Variants in DRC1 observed in about 807,000 individuals in gnomAD.
The protein encoded by DRC1 is dynein regulatory complex protein 1.
DRC1 carries 74 observed loss-of-function variants against 98.7 expected under a neutral mutation model. The ratio of observed to expected loss-of-function variants is 0.75; its 90% CI spans 0.62 to 0.91. DRC1 has a LOEUF of 0.91. Ranked by LOEUF, DRC1 falls within the 40% of genes least tolerant of loss-of-function variation. The pLI, the probability that DRC1 is intolerant of heterozygous loss-of-function variation, is 0.00. For synonymous variants in DRC1, 336 were observed against 334.1 expected, an observed-to-expected ratio of 1.01 and a Z score of -0.06; for missense variants, 875 against 886.0, an observed-to-expected ratio of 0.99 and a Z score of 0.16.
rs1402962 is a variant in DRC1 at position 26,453,454 on chromosome 2, G to A, written c.1824G>A (p.Glu608=). ...AAAGCCTGGTGGAAGGGGAGAAGGA[G>A]GAAGAGGAGGAGACCCCACCCTCCC... ...KEESLVEGEK[E]EEEETPPSPW... Residue 608 remains glutamate (E), a synonymous_variant, in exon 14 of 17, where the codon GAG becomes GAA. Coordinates refer to ENST00000288710, the MANE Select transcript of DRC1 (RefSeq NM_145038.5). 1,623 of 1,614,146 alleles carry A rather than the reference G, an allele frequency of 1.0e-3. 9 individuals carry two copies. The African/African-American group carries it at 0.018, about 18-fold the overall frequency.
chr2:26,441,211 T>A (rs1663709500), intron 8 of DRC1, among the ~76,000 whole-genome samples: 1 of 152,136 alleles, frequency 6.6e-6, no homozygotes, highest in Non-Finnish European at 1.5e-5. Flanking sequence ...AGGACCAGAG[T>A]GAAATAAGAC....
chr2:26,453,619 C>T, intron 14 of DRC1, 70 bp downstream of exon 14: 1 of 1,470,962 alleles, frequency 6.8e-7, no homozygotes. Context: ...GGGAGCCAGG[C>T]AGAGCCAGTG....
chr2:26,437,766 A>G (rs981297904), intron 7 of DRC1, among the ~76,000 whole-genome samples: 1 of 152,252 alleles, frequency 6.6e-6, no homozygotes, highest in East Asian at 1.9e-4. Context: ...TTATTATGAC[A>G]TGGTAAACAT....
At chr2:26,412,704 TTAAG>T (rs1438427166) in intron 1 of DRC1, among the ~76,000 whole-genome samples, 25 of 152,240 alleles carry the variant, frequency 1.6e-4, no homozygotes, top group African/African-American at 5.5e-4. Context: ...TTCCTGTTCT[TTAAG>T]TAATTGCTGT....
chr2:26,440,594 T>C (rs560590022), intron 8 of DRC1, 77 bp downstream of exon 8: 19 of 1,467,662 alleles, frequency 1.3e-5, no homozygotes, highest in Non-Finnish European at 1.7e-5. Context: ...TTTTTTCTAT[T>C]GAAGGGGTAG....
rs1664053359 is a variant in DRC1, at chr2:26,453,285, C to T, written c.1690-35C>T. 4 of 1,611,722 alleles carry T rather than the reference C, an allele frequency of 2.5e-6. No individual in the cohort carries two copies. The East Asian group carries it at 8.9e-5, about 36-fold the overall frequency. On this transcript the variant is annotated intron_variant, in intron 13 of 16. Transcript: ENST00000288710. ...TCTCTCCATGCTCATGCTCGTGTGT[C>T]CCCAGCCCACAGTTGTCCGTGCATC...
intron 1 of DRC1, among the ~76,000 whole-genome samples, chr2:26,413,896 T>G (rs1044997425): frequency 5.3e-5 from 8 of 151,916 alleles, no homozygotes; most frequent in Admixed American, 6.6e-5. Context: ...CTTCTAGTGT[T>G]TTTATGATTG....
At chr2:26,425,182 CA>C (rs1458115558) in intron 4 of DRC1, among the ~76,000 whole-genome samples, 9 of 152,178 alleles carry the variant, frequency 5.9e-5, no homozygotes, top group Admixed American at 5.2e-4. Context: ...AATCATACAG[CA>C]TTTGTCCTTT....
chr2:26,445,153 A>C (rs1228986592), intron 10 of DRC1, among the ~76,000 whole-genome samples: 1 of 152,226 alleles, frequency 6.6e-6, no homozygotes, highest in Non-Finnish European at 1.5e-5. Context: ...GATCAGATGC[A>C]GGTCCAATTT....
chr2:26,409,505 G>A (rs1272579483), intron 1 of DRC1, among the ~76,000 whole-genome samples: 1 of 152,088 alleles, frequency 6.6e-6, no homozygotes, highest in African/African-American at 2.4e-5. Context: ...TGAAGATGGT[G>A]ACATGTAAAA....
At chr2:26,422,911 A>AC (rs1051106607) in intron 3 of DRC1, among the ~76,000 whole-genome samples, 5 of 150,620 alleles carry the variant, frequency 3.3e-5, no homozygotes, top group African/African-American at 1.2e-4. Flanking sequence ...TGGGAGTGAA[A>AC]CCTAGTCTTT....
chr2:26,450,113 G>T, intron 12 of DRC1, 28 bp downstream of exon 12: 1 of 1,598,608 alleles, frequency 6.3e-7, no homozygotes, highest in Non-Finnish European at 8.5e-7. Context: ...GGGAGGACAC[G>T]GGTGGGGCTG....
intron 7 of DRC1, among the ~76,000 whole-genome samples, chr2:26,435,497 C>A (rs1449130127): frequency 6.6e-6 from 1 of 152,160 alleles, no homozygotes; most frequent in Non-Finnish European, 1.5e-5. Context: ...TAGGGGTTTG[C>A]TGTACAGATT....
At chr2:26,438,201 T>C (rs6714763) in intron 7 of DRC1, among the ~76,000 whole-genome samples, 8,562 of 152,028 alleles carry the variant, frequency 0.056, 410 homozygotes, top group African/African-American at 0.13. Context: ...GATATAAAAT[T>C]GTAGACACAG....
At chr2:26,448,317 A>C (rs555052542) in intron 10 of DRC1, 1 of 484,148 alleles carries the variant, frequency 2.1e-6, no homozygotes, top group Non-Finnish European at 4.2e-6. Context: ...GCAGGTTTAG[A>C]GACTATATAG....
intron 13 of DRC1, 79 bp downstream of exon 13, chr2:26,450,760 GGGTTA>G (rs1663984195): frequency 7.9e-7 from 1 of 1,269,140 alleles, no homozygotes; most frequent in African/African-American, 1.5e-5. Flanking sequence ...TTTAAGTTCT[GGGTTA>G]CATGTGCAGA....
intron 4 of DRC1, among the ~76,000 whole-genome samples, chr2:26,426,998 C>A (rs1663300905): frequency 6.6e-6 from 1 of 152,052 alleles, no homozygotes; most frequent in Non-Finnish European, 1.5e-5. Context: ...TAAGTTTATT[C>A]CTAAGTATTT....
Position 26,450,081 on chromosome 2 carries a change from TCTC to T in DRC1, c.1597_1599del (p.Ser533del). ...TATCTGCTGAGGCTGGATGCCATCT[TCTC>T]CGTGAGTCCAACGGGGCTGGGAGGA... On this transcript the variant is annotated inframe_deletion and splice_region_variant, in exon 12 of 17. Coordinates refer to ENST00000288710, the MANE Select transcript of DRC1 (RefSeq NM_145038.5). 6.2e-7 allele frequency: 1 copy of T among 1,612,618 alleles called. No homozygotes were observed. The highest frequency in any genetic ancestry group is 1.3e-5 in the African/African-American group (1 of 74,966).
Position 26,454,892 on chromosome 2 carries a change from G to A in DRC1, c.2063+102G>A. 6.4e-7 allele frequency: 1 copy of A among 1,570,340 alleles called. No individual in the cohort carries two copies. Among genetic ancestry groups the A allele is most frequent in the South Asian group, 1.2e-5 (1 of 84,568 alleles). Reference sequence around the variant, plus strand: ...TGCCTCCCTGTCCCACTGAACCTGGGAGGGAAGAGCTGCCCTTGGCATCTC... The same window carrying A: ...TGCCTCCCTGTCCCACTGAACCTGGAAGGGAAGAGCTGCCCTTGGCATCTC... On this transcript the variant is annotated intron_variant, in intron 15 of 16. Coordinates refer to ENST00000288710, the MANE Select transcript of DRC1 (RefSeq NM_145038.5). The surrounding 1 kb of genome is among the most constrained non-coding windows in gnomAD (Gnocchi z 5.2).
Sources: gnomAD v4.1 joint callset for allele counts (sites outside exome capture counted in the v4.1 genomes callset) on GRCh38, gnomAD v4.1.1 for gene constraint, Gnocchi (gnomAD v3.1) non-coding constraint, MANE v1.5 for transcripts, NCBI Gene and HGNC (gene_info 2026-07-23, HGNC 2026-07-21) for gene names.